Variants in TENM3 observed in about 807,000 individuals in gnomAD.
TENM3 encodes the protein teneurin-3.
Under a neutral mutation model 255.1 loss-of-function variants are expected in TENM3, and 63 were observed. The observed-to-expected ratio is 0.25, with a 90% CI of 0.20 to 0.30. The LOEUF (loss-of-function observed/expected upper bound fraction) is 0.30. Among genes scored for constraint, TENM3 ranks in the 10% least tolerant of loss-of-function variants. TENM3 has a pLI of 1.00. For synonymous variants in TENM3, 1,306 were observed against 1,322.3 expected (o/e 0.99, Z 0.27); for missense variants, 2,929 against 3,461.1 (o/e 0.85, Z 3.86).
the TENM3 span, among the ~76,000 whole-genome samples, chr4:181,946,373 G>A: frequency 1.9e-3 from 283 of 152,202 alleles, 1 homozygote; most frequent in African/African-American, 6.6e-3. Flanking sequence ...CAACATGCTA[G>A]AAGGATATCT....
At chr4:182,716,042 G>C (rs2152682771) in intron 13 of TENM3, among the ~76,000 whole-genome samples, 1 of 152,236 alleles carries the variant, frequency 6.6e-6, no homozygotes, top group South Asian at 2.1e-4. Context: ...CCTCTTAACT[G>C]TGTGCTTTAT....
At chr4:182,547,621 A>G (rs1370766309) in intron 3 of TENM3, among the ~76,000 whole-genome samples, 4 of 152,240 alleles carry the variant, frequency 2.6e-5, no homozygotes. Flanking sequence ...TTTGTGGCCA[A>G]ACGCTAAGCA....
intron 5 of TENM3, among the ~76,000 whole-genome samples, chr4:182,644,154 T>C (rs1752546962): frequency 6.6e-6 from 1 of 152,128 alleles, no homozygotes; most frequent in Non-Finnish European, 1.5e-5. Flanking sequence ...CTTCACAACA[T>C]CCCCTGTAAT....
the TENM3 span, among the ~76,000 whole-genome samples, chr4:181,927,691 C>T: frequency 6.6e-6 from 1 of 152,220 alleles, no homozygotes; most frequent in Admixed American, 6.5e-5. Context: ...CAGACTGACT[C>T]CTCAAGTGGG....
At chr4:182,667,400 G>A (rs367586684) in intron 6 of TENM3, among the ~76,000 whole-genome samples, 3 of 151,954 alleles carry the variant, frequency 2.0e-5, no homozygotes, top group East Asian at 1.9e-4. Context: ...CATCTTGGCC[G>A]GGCTGGTCTC....
chr4:182,056,997 C>T, the TENM3 span, among the ~76,000 whole-genome samples: 1 of 150,750 alleles, frequency 6.6e-6, no homozygotes, highest in Non-Finnish European at 1.5e-5. Flanking sequence ...CAATCAGATA[C>T]GGCTGATTTC....
At chr4:182,619,063 A>G (rs4544749) in intron 4 of TENM3, among the ~76,000 whole-genome samples, 30,131 of 152,046 alleles carry the variant, frequency 0.2, 3,563 homozygotes, top group Non-Finnish European at 0.27. Context: ...GGGGACAGCA[A>G]AAAAGATGAG....
At chr4:182,539,792 A>G (rs1013836792) in intron 3 of TENM3, among the ~76,000 whole-genome samples, 13 of 152,220 alleles carry the variant, frequency 8.5e-5, no homozygotes, top group African/African-American at 2.9e-4. Flanking sequence ...GAGATGGAGA[A>G]GATTCGGTGT....
intron 3 of TENM3, among the ~76,000 whole-genome samples, chr4:182,468,838 G>C (rs1732845203): frequency 1.1e-5 from 1 of 93,006 alleles, no homozygotes; most frequent in Non-Finnish European, 2.7e-5. Flanking sequence ...GTGTGTGTGT[G>C]TGTGTGTGTG....
chr4:181,780,559 G>A, the TENM3 span, among the ~76,000 whole-genome samples: 2 of 152,078 alleles, frequency 1.3e-5, no homozygotes, highest in African/African-American at 4.8e-5. Context: ...TGAGTAGATC[G>A]CAAAAATTTT....
chr4:182,711,673 A>G, intron 12 of TENM3: 3 of 604,652 alleles, frequency 5.0e-6, no homozygotes, highest in Non-Finnish European at 6.2e-6. Context: ...ACTAGGTTTG[A>G]CAATAGACTT....
At chr4:181,586,165 T>C in the TENM3 span, among the ~76,000 whole-genome samples, 1 of 152,210 alleles carries the variant, frequency 6.6e-6, no homozygotes, top group Admixed American at 6.5e-5. Flanking sequence ...CCATCTGATA[T>C]CTCAGCCTTG....
At chr4:182,518,887 A>T (rs910297951) in intron 3 of TENM3, among the ~76,000 whole-genome samples, 1 of 152,260 alleles carries the variant, frequency 6.6e-6, no homozygotes, top group African/African-American at 2.4e-5. Flanking sequence ...TCCCAAACCT[A>T]TTAAGGAAAA....
intron 24 of TENM3, among the ~76,000 whole-genome samples, chr4:182,788,553 G>A (rs1353668099): frequency 1.3e-5 from 2 of 152,228 alleles, no homozygotes; most frequent in Non-Finnish European, 2.9e-5. Flanking sequence ...TCAAAAAACT[G>A]TGACGTTGCA....
chr4:181,660,081 T>C, the TENM3 span, among the ~76,000 whole-genome samples: 1 of 152,148 alleles, frequency 6.6e-6, no homozygotes, highest in Non-Finnish European at 1.5e-5. Context: ...GACAACCTTT[T>C]TGGGAATATT....
the TENM3 span, among the ~76,000 whole-genome samples, chr4:182,126,553 T>C: frequency 0.41 from 62,308 of 152,028 alleles, 12,966 homozygotes; most frequent in Admixed American, 0.5. Flanking sequence ...GCAAAACATC[T>C]TCAATCCAGA....
chr4:181,818,580 TG>T, the TENM3 span, among the ~76,000 whole-genome samples: 2 of 151,910 alleles, frequency 1.3e-5, no homozygotes, highest in South Asian at 4.2e-4. Context: ...CGTGGGTAAA[TG>T]TGTGCCATAG....
chr4:181,618,131 T>A, the TENM3 span, among the ~76,000 whole-genome samples: 1 of 152,210 alleles, frequency 6.6e-6, no homozygotes, highest in Admixed American at 6.5e-5. Context: ...CCCCTGAGTA[T>A]AGCAGGCTTC....
At chr4:181,623,088 G>A in the TENM3 span, among the ~76,000 whole-genome samples, 15 of 151,762 alleles carry the variant, frequency 9.9e-5, no homozygotes, top group South Asian at 4.2e-4. Context: ...AAATAAGTTC[G>A]AATTAAAAAA....
Sources: gnomAD v4.1 joint callset for allele counts (sites outside exome capture counted in the v4.1 genomes callset) on GRCh38, gnomAD v4.1.1 for gene constraint, MANE v1.5 for transcripts, NCBI Gene and HGNC (gene_info 2026-07-23, HGNC 2026-07-21) for gene names.